RALYL: variants seen among roughly 807,000 people sequenced by gnomAD.
RALYL encodes RNA-binding Raly-like protein.
RALYL carries 29 observed loss-of-function variants against 35.1 expected under a neutral mutation model. The ratio of observed to expected loss-of-function variants is 0.83; its 90% CI spans 0.61 to 1.13. The LOEUF (loss-of-function observed/expected upper bound fraction) is 1.13, where lower values mean the gene tolerates loss of function less well. Among genes scored for constraint, RALYL ranks in the 50% most tolerant of loss-of-function variants. The pLI is 0.00. For missense variants in RALYL, 359 were observed against 360.4 expected (o/e 1.00, Z 0.03); for synonymous variants, 120 against 127.6 (o/e 0.94, Z 0.40).
At chr8:84,468,575 C>T (rs924276304) in intron 1 of RALYL, among the ~76,000 whole-genome samples, 1 of 148,580 alleles carries the variant, frequency 6.7e-6, no homozygotes, top group African/African-American at 2.4e-5. Flanking sequence ...CTGCCCTTAA[C>T]ATTTTTTCCT....
At chr8:84,413,613 C>G (rs914187628) in intron 1 of RALYL, among the ~76,000 whole-genome samples, 1 of 150,934 alleles carries the variant, frequency 6.6e-6, no homozygotes, top group Non-Finnish European at 1.5e-5. Flanking sequence ...TTTGTATAAA[C>G]CTTATAAAGT....
At chr8:84,911,809 G>T (rs1847557923) in intron 8 of RALYL, among the ~76,000 whole-genome samples, 1 of 151,964 alleles carries the variant, frequency 6.6e-6, no homozygotes, top group Non-Finnish European at 1.5e-5. Context: ...CAGAACTCAG[G>T]GAAACACTTC....
chr8:84,494,284 C>CTA (rs2134095370), intron 1 of RALYL, among the ~76,000 whole-genome samples: 1 of 152,216 alleles, frequency 6.6e-6, no homozygotes, highest in Non-Finnish European at 1.5e-5. Flanking sequence ...TGTACCAGCA[C>CTA]TATGCTGTTT....
At chr8:84,236,438 G>A (rs1038447466) in intron 1 of RALYL, among the ~76,000 whole-genome samples, 1 of 152,136 alleles carries the variant, frequency 6.6e-6, no homozygotes, top group Non-Finnish European at 1.5e-5. Context: ...GAAGGGTTCT[G>A]TGGGGTTCCT....
rs942209396 is a variant in RALYL, at chr8:84,408,333, C to A, written c.-23-120966C>A. Among the ~76,000 whole-genome samples the A allele has an allele frequency of 3.9e-5, 6 of 152,156 alleles. No individual in the cohort carries two copies. The South Asian group carries it at 1.2e-3, about 32-fold the overall frequency. On this transcript the variant is annotated intron_variant, in intron 1 of 8. Coordinates refer to ENST00000521268, the MANE Select transcript of RALYL (RefSeq NM_173848.7). Reference sequence around the variant, plus strand: ...AGTTCTGAGGTTACTTAGAAAAAAACCTAGCATACTCTAATGAGATTTTCA... The same window carrying A: ...AGTTCTGAGGTTACTTAGAAAAAAAACTAGCATACTCTAATGAGATTTTCA...
intron 2 of RALYL, among the ~76,000 whole-genome samples, chr8:84,535,505 G>A (rs886601242): frequency 2.7e-5 from 4 of 149,638 alleles, no homozygotes; most frequent in African/African-American, 7.4e-5. Context: ...GCGCTGTCTC[G>A]GCTCACTGCA....
At chr8:84,620,235 C>G (rs1821005752) in intron 2 of RALYL, among the ~76,000 whole-genome samples, 2 of 152,226 alleles carry the variant, frequency 1.3e-5, no homozygotes, top group African/African-American at 4.8e-5. Flanking sequence ...GTACACCAAT[C>G]AGACGTAGAT....
chr8:84,487,033 T>C (rs2054708836), intron 1 of RALYL, among the ~76,000 whole-genome samples: 2 of 152,070 alleles, frequency 1.3e-5, no homozygotes. Flanking sequence ...ATTTATAAAC[T>C]GTGCCAAGTG....
chr8:84,826,353 T>C (rs1205961267), intron 4 of RALYL, among the ~76,000 whole-genome samples: 2 of 140,720 alleles, frequency 1.4e-5, no homozygotes, highest in African/African-American at 5.3e-5. Context: ...TGCTTTGCAA[T>C]AGAGCTCACT....
chr8:84,720,361 C>T (rs1174394159), intron 2 of RALYL, among the ~76,000 whole-genome samples: 1 of 152,068 alleles, frequency 6.6e-6, no homozygotes, highest in Non-Finnish European at 1.5e-5. Context: ...TACTTACAGC[C>T]AACTGATTTT....
intron 1 of RALYL, among the ~76,000 whole-genome samples, chr8:84,186,152 G>A (rs890324607): frequency 6.6e-6 from 1 of 152,104 alleles, no homozygotes; most frequent in Non-Finnish European, 1.5e-5. Flanking sequence ...ATATAAAGAA[G>A]ATAGTTTATG....
intron 1 of RALYL, among the ~76,000 whole-genome samples, chr8:84,253,176 G>GTTTTTTTTTTTTTTT (rs764942491): frequency 1.9e-5 from 1 of 52,822 alleles, no homozygotes; most frequent in Non-Finnish European, 3.2e-5. Context: ...TAGTTCTGCA[G>GTTTTTTTTTTTTTTT]TTTTTTTTTT....
intron 2 of RALYL, among the ~76,000 whole-genome samples, chr8:84,729,378 A>C (rs1475909838): frequency 2.0e-5 from 3 of 152,106 alleles, no homozygotes; most frequent in Admixed American, 2.0e-4. Context: ...TTTTGGGCTC[A>C]AAGAAGTGTG....
intron 4 of RALYL, among the ~76,000 whole-genome samples, chr8:84,819,978 T>G (rs1300134580): frequency 6.6e-6 from 1 of 152,082 alleles, no homozygotes; most frequent in Admixed American, 6.6e-5. Context: ...TAGGGAACCC[T>G]GCCCCAAAAA....
chr8:84,275,941 T>C (rs1020555969), intron 1 of RALYL, among the ~76,000 whole-genome samples: 2 of 152,138 alleles, frequency 1.3e-5, no homozygotes, highest in African/African-American at 2.4e-5. Context: ...AAATTTACTT[T>C]GGCAAACTAA....
intron 1 of RALYL, among the ~76,000 whole-genome samples, chr8:84,206,461 T>C (rs1193871132): frequency 6.6e-6 from 1 of 152,164 alleles, no homozygotes; most frequent in Non-Finnish European, 1.5e-5. Context: ...CAAGGCTATA[T>C]ACACGAGACA....
At chr8:84,746,649 A>C (rs1214787228) in intron 2 of RALYL, among the ~76,000 whole-genome samples, 1 of 152,038 alleles carries the variant, frequency 6.6e-6, no homozygotes, top group African/African-American at 2.4e-5. Flanking sequence ...TTTCATAATA[A>C]GAAATTACAT....
intron 2 of RALYL, among the ~76,000 whole-genome samples, chr8:84,651,008 G>A (rs887732984): frequency 6.6e-6 from 1 of 151,876 alleles, no homozygotes; most frequent in Non-Finnish European, 1.5e-5. Flanking sequence ...ACTCATAGGT[G>A]GGAATTGAAC....
intron 2 of RALYL, among the ~76,000 whole-genome samples, chr8:84,636,061 T>C (rs961150744): frequency 1.3e-4 from 19 of 151,790 alleles, no homozygotes; most frequent in African/African-American, 4.6e-4. Context: ...TAAAGTGTCA[T>C]TTTCCAACAA....
Sources: gnomAD v4.1 joint callset for allele counts (sites outside exome capture counted in the v4.1 genomes callset) on GRCh38, gnomAD v4.1.1 for gene constraint, MANE v1.5 for transcripts, NCBI Gene and HGNC (gene_info 2026-07-23, HGNC 2026-07-21) for gene names.